BBX: variants seen among roughly 807,000 people sequenced by gnomAD.
BBX encodes the protein HMG box transcription factor BBX.
BBX carries 30 observed loss-of-function variants against 100.2 expected under a neutral mutation model. The ratio of observed to expected loss-of-function variants is 0.30; its 90% CI spans 0.22 to 0.41. The LOEUF (loss-of-function observed/expected upper bound fraction) is 0.41. Among genes scored for constraint, BBX ranks in the 10% least tolerant of loss-of-function variants. The probability of loss-of-function intolerance (pLI) is 1.00; values close to 1 mark genes in which losing one functional copy is unlikely to be tolerated. For missense variants in BBX, 1,023 were observed against 1,129.8 expected, an observed-to-expected ratio of 0.91 and a Z score of 1.35; for synonymous variants, 376 against 388.1, an observed-to-expected ratio of 0.97 and a Z score of 0.37.
At chr3:107,608,411 C>T (rs2054601080) in intron 2 of BBX, among the ~76,000 whole-genome samples, 1 of 152,072 alleles carries the variant, frequency 6.6e-6, no homozygotes, top group Non-Finnish European at 1.5e-5. Context: ...GTTCTCTATT[C>T]TGTTCTATGT....
intron 13 of BBX, among the ~76,000 whole-genome samples, chr3:107,788,670 G>A (rs1405776672): frequency 2.6e-5 from 4 of 152,118 alleles, no homozygotes; most frequent in Non-Finnish European, 5.9e-5. Context: ...AGTTACTCAG[G>A]AGGCTGAGGT....
At position 107,772,625 on chromosome 3, in the gene BBX, T is replaced by C. The variant is rs561755057; in HGVS notation, c.907-3T>C. On this transcript the variant is annotated splice_region_variant and splice_polypyrimidine_tract_variant and intron_variant, in intron 10 of 17. Transcript: ENST00000325805. ...GCTCTCCCATTTTGTTTTAATTGTT[T>C]AGATGTGCCTGGCATCAGAAGGGAT... 3 of 1,568,784 alleles carry C rather than the reference T, an allele frequency of 1.9e-6. No individual in the cohort carries two copies. The highest frequency in any genetic ancestry group is 1.2e-5 in the South Asian group (1 of 81,980).
At chr3:107,591,774 T>G (rs1374882810) in intron 2 of BBX, among the ~76,000 whole-genome samples, 1 of 152,216 alleles carries the variant, frequency 6.6e-6, no homozygotes, top group Non-Finnish European at 1.5e-5. Context: ...GGACATGAGC[T>G]GCCCGGCCAG....
chr3:107,778,632 G>C, intron 13 of BBX, 113 bp downstream of exon 13: 2 of 1,202,072 alleles, frequency 1.7e-6, no homozygotes, highest in Non-Finnish European at 2.3e-6. Context: ...AGGCAGTAGG[G>C]AGTTAGAATC....
chr3:107,656,710 T>C (rs1489420603), intron 3 of BBX, among the ~76,000 whole-genome samples: 6 of 152,198 alleles, frequency 3.9e-5, no homozygotes, highest in African/African-American at 1.4e-4. Context: ...AATAATGTAT[T>C]TTCTATTCCT....
At position 107,711,088 on chromosome 3, in the gene BBX, G is replaced by A. The variant is rs547891854; in HGVS notation, c.162+466G>A. Reference sequence around the variant, plus strand: ...TCTTTGTGATGACTCATTCCTCCTAGTCCTTTCTCTGGCATCAGGCCTCAG... The same window carrying A: ...TCTTTGTGATGACTCATTCCTCCTAATCCTTTCTCTGGCATCAGGCCTCAG... On this transcript the variant is annotated intron_variant, in intron 4 of 17. Coordinates refer to ENST00000325805, the MANE Select transcript of BBX (RefSeq NM_001142568.3). Among the ~76,000 whole-genome samples, 39 of 152,276 alleles carry A rather than the reference G, an allele frequency of 2.6e-4. 1 individual carries two copies. In the South Asian group the frequency reaches 7.3e-3, roughly 28 times the overall value.
intron 2 of BBX, among the ~76,000 whole-genome samples, chr3:107,631,041 G>A (rs920038575): frequency 1.3e-5 from 2 of 152,188 alleles, no homozygotes; most frequent in African/African-American, 4.8e-5. Flanking sequence ...AGATCTTCCT[G>A]TCTGCTCAAA....
At chr3:107,618,150 A>C (rs2055437080) in intron 2 of BBX, among the ~76,000 whole-genome samples, 1 of 151,748 alleles carries the variant, frequency 6.6e-6, no homozygotes. Context: ...TTTCTTCTTT[A>C]TCCTGTTAAT....
chr3:107,636,553 G>A (rs2056861981), intron 2 of BBX, among the ~76,000 whole-genome samples: 1 of 152,096 alleles, frequency 6.6e-6, no homozygotes, highest in Non-Finnish European at 1.5e-5. Context: ...TAAGAACCAT[G>A]GCTATTACAG....
intron 3 of BBX, among the ~76,000 whole-genome samples, chr3:107,672,096 A>T (rs115408108): frequency 6.2e-4 from 94 of 152,214 alleles, no homozygotes; most frequent in African/African-American, 1.6e-3. Flanking sequence ...CTGTTTCATA[A>T]CTTTCTAATG....
chr3:107,722,273 C>T (rs1217586500), intron 5 of BBX, among the ~76,000 whole-genome samples: 1 of 151,880 alleles, frequency 6.6e-6, no homozygotes, highest in Non-Finnish European at 1.5e-5. Flanking sequence ...ATTTAAACTG[C>T]GTCTCTCAAA....
chr3:107,570,434 G>C (rs1160509542), intron 2 of BBX, among the ~76,000 whole-genome samples: 1 of 152,100 alleles, frequency 6.6e-6, no homozygotes, highest in Non-Finnish European at 1.5e-5. Flanking sequence ...GCATCTCAGG[G>C]TTGCTACCAA....
chr3:107,784,470 G>A (rs1048982538), intron 13 of BBX, among the ~76,000 whole-genome samples: 5 of 151,848 alleles, frequency 3.3e-5, no homozygotes, highest in African/African-American at 1.2e-4. Flanking sequence ...TCTGACCATA[G>A]TACAATGAAA....
At position 107,558,525 on chromosome 3, in the gene BBX, A is replaced by G. The variant is rs149679681; in HGVS notation, c.-84+32127A>G. On this transcript the variant is annotated intron_variant, in intron 2 of 17. Coordinates refer to ENST00000325805, the MANE Select transcript of BBX (RefSeq NM_001142568.3). Reference sequence around the variant, plus strand: ...AAACAGGGGGCTATCTTCATACTCCATATTAATCAGGTATGGGCTGTCAGG... The same window carrying G: ...AAACAGGGGGCTATCTTCATACTCCGTATTAATCAGGTATGGGCTGTCAGG... Among the ~76,000 whole-genome samples the G allele has an allele frequency of 2.0e-3, 312 of 152,234 alleles. 2 individuals carry two copies. The highest frequency in any genetic ancestry group is 2.0e-3 in the Non-Finnish European group (138 of 68,012).
intron 4 of BBX, chr3:107,711,236 T>C: frequency 2.2e-6 from 1 of 451,310 alleles, no homozygotes; most frequent in South Asian, 1.7e-5. Flanking sequence ...ATTTGCCATG[T>C]ATTTAGCTGT....
At chr3:107,648,441 C>A (rs1377720061) in intron 3 of BBX, among the ~76,000 whole-genome samples, 2 of 152,178 alleles carry the variant, frequency 1.3e-5, no homozygotes, top group East Asian at 3.9e-4. Context: ...TAAAATAATT[C>A]TTTTACCTAT....
At chr3:107,595,418 C>T (rs2053608120) in intron 2 of BBX, among the ~76,000 whole-genome samples, 1 of 152,216 alleles carries the variant, frequency 6.6e-6, no homozygotes, top group South Asian at 2.1e-4. Flanking sequence ...AGGTTTATTT[C>T]ATGCTTCTGG....
In BBX at chr3:107,810,756, G is replaced by GA. The variant is rs1238621222; in HGVS notation, c.*5305dup. The GA allele has an allele frequency of 1.3e-5, 2 of 152,116 alleles. No homozygotes were observed. The highest frequency in any genetic ancestry group is 2.4e-5 in the African/African-American group (1 of 41,424). 9.4% of individuals were successfully genotyped at this position (152,116 alleles called of 1,614,324 possible). On this transcript the variant is annotated 3_prime_UTR_variant, in exon 18 of 18. Coordinates refer to ENST00000325805, the MANE Select transcript of BBX (RefSeq NM_001142568.3). ...GTCTCTTGCTCTCAGGAATTTGTCA[G>GA]AAAAAAGAATAAAATCACCTGAGAC...
rs996804713 is a variant in BBX at position 107,777,110 on chromosome 3, G to C, written c.2055-1261G>C. ...ACAATGAGTAGCATGATGAAATCTC[G>C]TGCCATCCCACTTCATTCCACCCAC... On this transcript the variant is annotated intron_variant, in intron 12 of 17. Coordinates refer to ENST00000325805, the MANE Select transcript of BBX (RefSeq NM_001142568.3). Among the ~76,000 whole-genome samples the C allele has an allele frequency of 2.0e-5, 3 of 152,204 alleles. 1 individual carries two copies. The highest frequency in any genetic ancestry group is 2.0e-4 in the Admixed American group (3 of 15,280).
Sources: gnomAD v4.1 joint callset for allele counts (sites outside exome capture counted in the v4.1 genomes callset) on GRCh38, gnomAD v4.1.1 for gene constraint, MANE v1.5 for transcripts, NCBI Gene and HGNC (gene_info 2026-07-23, HGNC 2026-07-21) for gene names.